QTMAN: variants seen among roughly 807,000 people sequenced by gnomAD.
QTMAN encodes the protein queuosine-tRNA mannosyltransferase.
the QTMAN span, among the ~76,000 whole-genome samples, chr2:144,087,756 C>T: frequency 6.6e-6 from 1 of 152,016 alleles, no homozygotes; most frequent in African/African-American, 2.4e-5. Flanking sequence ...AAAGTCCTTT[C>T]ATTATAAAAA....
the QTMAN span, among the ~76,000 whole-genome samples, chr2:144,167,361 C>A: frequency 6.6e-6 from 1 of 152,086 alleles, no homozygotes. Flanking sequence ...TCCTCTATTT[C>A]CAGTGGCCAA....
the QTMAN span, among the ~76,000 whole-genome samples, chr2:144,270,788 G>A: frequency 4.6e-5 from 7 of 152,148 alleles, no homozygotes; most frequent in East Asian, 3.9e-4. Flanking sequence ...AAACCTGCAC[G>A]TTCTGCCCAT....
the QTMAN span, among the ~76,000 whole-genome samples, chr2:144,173,907 T>A: frequency 6.6e-6 from 1 of 152,290 alleles, no homozygotes; most frequent in Non-Finnish European, 1.5e-5. Flanking sequence ...CTCTTGCTCT[T>A]CTCTCAACAT....
At chr2:144,096,692 A>T in the QTMAN span, among the ~76,000 whole-genome samples, 2 of 152,250 alleles carry the variant, frequency 1.3e-5, no homozygotes, top group Non-Finnish European at 2.9e-5. Flanking sequence ...TCTCTGTCAC[A>T]TGCCATGGGC....
chr2:143,994,236 T>C, the QTMAN span, among the ~76,000 whole-genome samples: 85 of 152,328 alleles, frequency 5.6e-4, no homozygotes, highest in Non-Finnish European at 1.0e-3. Context: ...CACAGTACGG[T>C]GCCTGGCTTT....
At chr2:143,970,810 G>T in the QTMAN span, 1 of 1,033,320 alleles carries the variant, frequency 9.7e-7, no homozygotes, top group Non-Finnish European at 1.5e-6. Flanking sequence ...TAGGGCATGT[G>T]TTAGGAAAAG....
At chr2:144,222,646 A>C in the QTMAN span, among the ~76,000 whole-genome samples, 1 of 151,794 alleles carries the variant, frequency 6.6e-6, no homozygotes, top group African/African-American at 2.4e-5. Context: ...CCCTACTAAA[A>C]ATACAAAAAA....
the QTMAN span, among the ~76,000 whole-genome samples, chr2:144,228,408 C>T: frequency 6.6e-6 from 1 of 152,068 alleles, no homozygotes; most frequent in Non-Finnish European, 1.5e-5. Context: ...CATATAAATC[C>T]ATTTGTTGCA....
At chr2:144,098,200 A>C in the QTMAN span, among the ~76,000 whole-genome samples, 74 of 152,316 alleles carry the variant, frequency 4.9e-4, 1 homozygote, top group African/African-American at 1.7e-3. Flanking sequence ...AATACGTCAA[A>C]ATTTTCAGTT....
At chr2:144,310,161 A>C in the QTMAN span, among the ~76,000 whole-genome samples, 1 of 152,220 alleles carries the variant, frequency 6.6e-6, no homozygotes, top group Non-Finnish European at 1.5e-5. Context: ...CTCAAGACCC[A>C]AGAAAGATTA....
At chr2:144,097,368 G>T in the QTMAN span, among the ~76,000 whole-genome samples, 3 of 152,050 alleles carry the variant, frequency 2.0e-5, no homozygotes, top group Non-Finnish European at 4.4e-5. Flanking sequence ...AGAAATACTT[G>T]ACTCCTACTC....
At chr2:144,096,390 A>G in the QTMAN span, among the ~76,000 whole-genome samples, 1 of 152,180 alleles carries the variant, frequency 6.6e-6, no homozygotes, top group African/African-American at 2.4e-5. Flanking sequence ...TCATTGCTTG[A>G]AAACTTCAAA....
the QTMAN span, among the ~76,000 whole-genome samples, chr2:144,162,222 T>C: frequency 6.6e-6 from 1 of 152,092 alleles, no homozygotes; most frequent in Non-Finnish European, 1.5e-5. Context: ...TTCAGGCCTT[T>C]GCAAATGAGG....
chr2:144,075,471 G>T, the QTMAN span, among the ~76,000 whole-genome samples: 1 of 152,072 alleles, frequency 6.6e-6, no homozygotes, highest in Non-Finnish European at 1.5e-5. Context: ...ATCTTATAAG[G>T]CACTTTCAGA....
At chr2:144,111,827 A>G in the QTMAN span, among the ~76,000 whole-genome samples, 1 of 152,336 alleles carries the variant, frequency 6.6e-6, no homozygotes, top group East Asian at 1.9e-4. Context: ...TTCTACTGGA[A>G]TTCAGATGCT....
At chr2:144,324,780 G>C in the QTMAN span, among the ~76,000 whole-genome samples, 2 of 151,012 alleles carry the variant, frequency 1.3e-5, no homozygotes, top group East Asian at 3.9e-4. Context: ...GGTGCTTTGA[G>C]TAAAGAAAAA....
chr2:144,272,578 CTGTT>C, the QTMAN span, among the ~76,000 whole-genome samples: 2 of 152,156 alleles, frequency 1.3e-5, no homozygotes, highest in Non-Finnish European at 1.5e-5. Context: ...GCTAATAAAA[CTGTT>C]TGAATCATAC....
the QTMAN span, among the ~76,000 whole-genome samples, chr2:144,062,640 G>A: frequency 2.4e-4 from 37 of 152,232 alleles, no homozygotes; most frequent in Non-Finnish European, 1.8e-4. Context: ...CTATGAAACC[G>A]AAATATAAAC....
the QTMAN span, among the ~76,000 whole-genome samples, chr2:144,183,999 A>C: frequency 5.9e-5 from 9 of 152,212 alleles, no homozygotes; most frequent in Middle Eastern, 3.2e-3. Flanking sequence ...ATTGAGCGGC[A>C]ATACGCACGG....
Sources: gnomAD v4.1 joint callset for allele counts (sites outside exome capture counted in the v4.1 genomes callset) on GRCh38, gnomAD v4.1.1 for gene constraint, MANE v1.5 for transcripts, NCBI Gene and HGNC (gene_info 2026-07-23, HGNC 2026-07-21) for gene names.